Variants in SSBP2 observed in about 807,000 individuals in gnomAD.
SSBP2 encodes the protein single stranded DNA binding protein 2, also known as single-stranded DNA-binding protein 2.
A neutral mutation model predicts 61.8 loss-of-function variants in SSBP2; 17 were observed. The observed-to-expected ratio is 0.28, with a 90% CI of 0.19 to 0.41. The LOEUF (loss-of-function observed/expected upper bound fraction) is 0.41. Among genes scored for constraint, SSBP2 ranks in the 10% least tolerant of loss-of-function variants. The pLI is 1.00. For missense variants in SSBP2, 310 were observed against 458.7 expected, an observed-to-expected ratio of 0.68 and a Z score of 2.96; for synonymous variants, 139 against 141.3, an observed-to-expected ratio of 0.98 and a Z score of 0.12.
At chr5:81,565,128 A>G (rs1581037127) in intron 4 of SSBP2, among the ~76,000 whole-genome samples, 1 of 152,334 alleles carries the variant, frequency 6.6e-6, no homozygotes, top group African/African-American at 2.4e-5. Context: ...TAATAAAAGC[A>G]ACTTATTAAA....
intron 1 of SSBP2, among the ~76,000 whole-genome samples, chr5:81,688,461 T>A (rs4703838): frequency 0.14 from 21,139 of 152,198 alleles, 1,822 homozygotes; most frequent in Non-Finnish European, 0.19. Flanking sequence ...ACCACAGGCC[T>A]TGGGTGTGAC....
intron 4 of SSBP2, among the ~76,000 whole-genome samples, chr5:81,614,035 A>G (rs538983081): frequency 6.6e-6 from 1 of 152,132 alleles, no homozygotes; most frequent in Non-Finnish European, 1.5e-5. Flanking sequence ...AATCACAAGC[A>G]CTCTCACTTG....
At chr5:81,559,097 T>C (rs2153405189) in intron 4 of SSBP2, among the ~76,000 whole-genome samples, 1 of 152,170 alleles carries the variant, frequency 6.6e-6, no homozygotes, top group African/African-American at 2.4e-5. Flanking sequence ...CTACTAAAAA[T>C]ACAAAAATTA....
At chr5:81,453,708 G>A (rs528638910) in intron 10 of SSBP2, among the ~76,000 whole-genome samples, 41 of 152,124 alleles carry the variant, frequency 2.7e-4, no homozygotes, top group Non-Finnish European at 4.0e-4. Flanking sequence ...CGCCTGCCTC[G>A]GCCTCCCAGA....
intron 1 of SSBP2, among the ~76,000 whole-genome samples, chr5:81,734,555 A>T (rs1014129018): frequency 2.6e-5 from 4 of 152,248 alleles, no homozygotes; most frequent in Non-Finnish European, 5.9e-5. Context: ...AGCAAAGGAA[A>T]ATGGAAGCCA....
At position 81,487,954 on chromosome 5, in the gene SSBP2, T is replaced by C. The variant is rs188432723; in HGVS notation, c.432+1296A>G. On this transcript the variant is annotated intron_variant, in intron 6 of 16. Coordinates refer to ENST00000320672, the MANE Select transcript of SSBP2 (RefSeq NM_012446.5). ...GACTTATTTCACTGCTAATGTCTTC[T>C]AGGTTCATCCATGTTGTTGCAAATG... Among the ~76,000 whole-genome samples, 210 of 146,480 alleles carry C rather than the reference T, an allele frequency of 1.4e-3. 1 individual carries two copies. The highest frequency in any genetic ancestry group is 5.0e-3 in the African/African-American group (204 of 41,012).
chr5:81,555,386 G>C (rs1488702459), intron 4 of SSBP2, among the ~76,000 whole-genome samples: 1 of 151,926 alleles, frequency 6.6e-6, no homozygotes, highest in Non-Finnish European at 1.5e-5. Context: ...GTCATTTTCA[G>C]GGACTACTCA....
chr5:81,532,462 A>G (rs932770739), intron 4 of SSBP2, among the ~76,000 whole-genome samples: 1 of 152,046 alleles, frequency 6.6e-6, no homozygotes, highest in African/African-American at 2.4e-5. Context: ...CTAACAGTAG[A>G]GAGAAAATGA....
At chr5:81,454,065 T>C (rs929675842) in intron 10 of SSBP2, among the ~76,000 whole-genome samples, 2 of 152,174 alleles carry the variant, frequency 1.3e-5, no homozygotes, top group South Asian at 4.1e-4. Context: ...ACCTGTTATG[T>C]TTCAGGCACT....
chr5:81,494,015 T>C (rs1767104602), intron 5 of SSBP2, among the ~76,000 whole-genome samples: 1 of 152,174 alleles, frequency 6.6e-6, no homozygotes, highest in Admixed American at 6.5e-5. Context: ...TTCACAGTCT[T>C]GTAATTAATA....
chr5:81,744,728 T>C (rs1321215110), intron 1 of SSBP2, among the ~76,000 whole-genome samples: 2 of 152,122 alleles, frequency 1.3e-5, no homozygotes, highest in Non-Finnish European at 2.9e-5. Flanking sequence ...AAATAGGAGA[T>C]TGCCAGGTCA....
chr5:81,484,352 T>C (rs1766229344), intron 6 of SSBP2, among the ~76,000 whole-genome samples: 1 of 152,124 alleles, frequency 6.6e-6, no homozygotes, highest in South Asian at 2.1e-4. Context: ...AACTATAACT[T>C]AAATTAGGTA....
At chr5:81,487,669 G>A (rs904930166) in intron 6 of SSBP2, among the ~76,000 whole-genome samples, 7 of 151,672 alleles carry the variant, frequency 4.6e-5, no homozygotes, top group African/African-American at 1.4e-4. Context: ...GTTGTATAAT[G>A]TGATGATTTG....
chr5:81,601,092 T>TA (rs920459681), intron 4 of SSBP2, among the ~76,000 whole-genome samples: 2 of 152,248 alleles, frequency 1.3e-5, no homozygotes, highest in African/African-American at 4.8e-5. Flanking sequence ...AATTAGTTTT[T>TA]ACCAGTATAC....
intron 1 of SSBP2, among the ~76,000 whole-genome samples, chr5:81,748,493 C>A (rs1452767091): frequency 6.6e-6 from 1 of 152,086 alleles, no homozygotes; most frequent in East Asian, 1.9e-4. Flanking sequence ...TCAACTCTCC[C>A]ACCAAGATGA....
intron 4 of SSBP2, among the ~76,000 whole-genome samples, chr5:81,611,720 G>A (rs1745464313): frequency 6.6e-6 from 1 of 151,598 alleles, no homozygotes; most frequent in African/African-American, 2.4e-5. Context: ...GTGAGAGAAG[G>A]GTGCTTATGA....
chr5:81,743,572 C>A (rs770015993), intron 1 of SSBP2, among the ~76,000 whole-genome samples: 1 of 152,190 alleles, frequency 6.6e-6, no homozygotes, highest in Admixed American at 6.5e-5. Context: ...CCTCAAGATA[C>A]ATCTTCCTTG....
At chr5:81,683,875 T>C (rs1752582186) in intron 1 of SSBP2, among the ~76,000 whole-genome samples, 1 of 152,218 alleles carries the variant, frequency 6.6e-6, no homozygotes, top group African/African-American at 2.4e-5. Flanking sequence ...CATACATCAT[T>C]AGGGAATTTC....
At chr5:81,539,056 G>A (rs759491000) in intron 4 of SSBP2, among the ~76,000 whole-genome samples, 3 of 152,146 alleles carry the variant, frequency 2.0e-5, no homozygotes, top group Non-Finnish European at 2.9e-5. Flanking sequence ...CGATGGGTCT[G>A]GAAAAAGTAA....
Sources: allele counts gnomAD v4.1 joint callset (sites outside exome capture counted in the v4.1 genomes callset), GRCh38; gene constraint gnomAD v4.1.1; transcripts MANE v1.5; gene names NCBI Gene and HGNC (gene_info 2026-07-23, HGNC 2026-07-21).